Variants in TRIOBP observed in about 807,000 individuals in gnomAD.
The protein encoded by TRIOBP is TRIO and F-actin-binding protein.
Under a neutral mutation model 238.8 loss-of-function variants are expected in TRIOBP, and 169 were observed. That is an observed-to-expected ratio of 0.71 (90% CI 0.62 to 0.80). The LOEUF is 0.80. TRIOBP is among the 30% of genes least tolerant of loss of function. The pLI, the probability that TRIOBP is intolerant of heterozygous loss-of-function variation, is 0.00. For missense variants in TRIOBP, 2,838 were observed against 3,122.6 expected, an observed-to-expected ratio of 0.91 and a Z score of 2.17; for synonymous variants, 1,150 against 1,274.4, an observed-to-expected ratio of 0.90 and a Z score of 2.08.
chr22:37,702,454 T>TGTTGGGATTA, intron 3 of TRIOBP, among the ~76,000 whole-genome samples: 2 of 152,100 alleles, frequency 1.3e-5, no homozygotes, highest in Non-Finnish European at 2.9e-5. Flanking sequence ...TCCACCCGCC[T>TGTTGGGATTA]CAGCCTCCCA....
intron 11 of TRIOBP, chr22:37,746,177 G>A: frequency 2.0e-6 from 2 of 992,814 alleles, no homozygotes; most frequent in Non-Finnish European, 1.2e-6. Context: ...CGGCTTCCCC[G>A]CCACCCATTG....
In TRIOBP at chr22:37,725,392, A is replaced by C. The variant is rs1924083893; in HGVS notation, c.2836A>C (p.Arg946=). 1.2e-6 allele frequency: 2 copies of C among 1,611,412 alleles called. No individual in the cohort carries two copies. Among genetic ancestry groups the C allele is most frequent in the Admixed American group, 1.7e-5 (1 of 59,924 alleles). Residue 946 remains arginine, a synonymous_variant, in exon 7 of 24, where the codon AGG becomes CGG. Coordinates refer to ENST00000644935, the MANE Select transcript of TRIOBP (RefSeq NM_001039141.3). ...SIALRPTQGD[R]PQTSSPSRPA... ...CGCCCTCCGGCCAACCCAAGGTGAC[A>C]GGCCTCAGACATCCTCTCCCAGCAG... is the stretch of plus-strand genomic sequence containing the variant.
intron 21 of TRIOBP, 84 bp from the exon 22 acceptor site, chr22:37,771,566 A>G (rs1178931533): frequency 1.2e-5 from 15 of 1,246,812 alleles, no homozygotes; most frequent in Non-Finnish European, 1.8e-5. Flanking sequence ...GGCCTGAGGC[A>G]GAGAGAACCC....
chr22:37,698,439 C>T (rs1194484433), intron 2 of TRIOBP, among the ~76,000 whole-genome samples: 1 of 146,448 alleles, frequency 6.8e-6, no homozygotes, highest in Admixed American at 6.9e-5. Flanking sequence ...CTGCAACCTC[C>T]ACCTCCTGGG....
chr22:37,759,797 T>C, intron 17 of TRIOBP: 1 of 1,346,576 alleles, frequency 7.4e-7, no homozygotes, highest in Non-Finnish European at 9.6e-7. Flanking sequence ...GACATTTGGC[T>C]GTGTCTGGGA....
At chr22:37,697,786 CT>C (rs1273784857) in intron 2 of TRIOBP, 90 bp downstream of exon 2, 2 of 152,474 alleles carry the variant, frequency 1.3e-5, no homozygotes, top group East Asian at 3.8e-4. Context: ...CACCCTCCCC[CT>C]GGGGCTCTGT....
At chr22:37,769,434 G>T in intron 21 of TRIOBP, 59 bp downstream of exon 21, 2 of 1,476,216 alleles carry the variant, frequency 1.4e-6, no homozygotes, top group South Asian at 1.2e-5. Flanking sequence ...GGGCTATGGG[G>T]CACCCCCGCC....
At position 37,765,651 on chromosome 22, in the gene TRIOBP, C is replaced by A. The variant is rs1926450384; in HGVS notation, c.6325-19C>A. ...AGAGGAACGGGGCAGCCTGTGACAC[C>A]CTGGCGTCCGGCCCACAGGAGGCAT... On this transcript the variant is annotated intron_variant, in intron 17 of 23. Transcript: ENST00000644935. 2 of 1,548,994 alleles carry A rather than the reference C, an allele frequency of 1.3e-6. No homozygotes were observed. Among genetic ancestry groups the A allele is most frequent in the Non-Finnish European group, 1.7e-6 (2 of 1,146,822 alleles).
intron 20 of TRIOBP, 23 bp from the exon 21 acceptor site, chr22:37,769,239 C>G (rs1926648530): frequency 6.2e-7 from 1 of 1,606,172 alleles, no homozygotes; most frequent in Admixed American, 1.7e-5. Flanking sequence ...GCACCCCTCC[C>G]CTGACCACCG....
intron 2 of TRIOBP, among the ~76,000 whole-genome samples, chr22:37,698,089 A>G (rs182101779): frequency 2.4e-4 from 35 of 148,310 alleles, no homozygotes; most frequent in African/African-American, 8.4e-4. Flanking sequence ...AATCCCAGCT[A>G]TTTGGGAGGC....
chr22:37,705,771 T>C (rs1193526777), intron 3 of TRIOBP, among the ~76,000 whole-genome samples: 3 of 152,062 alleles, frequency 2.0e-5, no homozygotes, highest in Non-Finnish European at 4.4e-5. Context: ...AGATGGGGTT[T>C]CACCATGCCG....
chr22:37,726,575 G>T (rs991330481), intron 7 of TRIOBP, 72 bp downstream of exon 7: 1 of 1,373,642 alleles, frequency 7.3e-7, no homozygotes, highest in African/African-American at 1.5e-5. Context: ...GAAGGGTTAG[G>T]GTGCCAAAAG....
At position 37,726,044 on chromosome 22, in the gene TRIOBP, C is replaced by T. The variant is rs1000398077; in HGVS notation, c.3488C>T (p.Pro1163Leu). 6.2e-7 allele frequency: 1 copy of T among 1,611,834 alleles called. No individual in the cohort carries two copies. Among genetic ancestry groups the T allele is most frequent in the East Asian group, 2.2e-5 (1 of 44,564 alleles). Reference protein sequence around the residue: ...SLHECPHIPTPVCIGHRDAPS... With the variant: ...SLHECPHIPTLVCIGHRDAPS... ...CACGAGTGCCCCCACATCCCCACCC[C>T]TGTGTGCATTGGGCACCGGGATGCA... Residue 1163 changes from proline to leucine, a missense_variant, in exon 7 of 24, where the codon CCT becomes CTT. Pro to Leu is a moderately conservative substitution (Grantham distance 98). Around this residue, in one of 5 missense-constraint regions of TRIOBP, gnomAD observed 2,096 missense variants for 2,137.4 expected, o/e 0.98. Coordinates refer to ENST00000644935, the MANE Select transcript of TRIOBP (RefSeq NM_001039141.3).
At chr22:37,758,239 G>A (rs1926050611) in intron 16 of TRIOBP, 101 bp downstream of exon 16, 1 of 1,459,262 alleles carries the variant, frequency 6.9e-7, no homozygotes, top group Non-Finnish European at 9.4e-7. Context: ...TACAGTGATG[G>A]GGAGCTCACC....
Position 37,701,735 on chromosome 22 carries a change from T to G in TRIOBP, c.114+256T>G, listed in dbSNP as rs73409452. ...ATCTGTTACTTACTTTGTTATTCTT[T>G]AAATCAACATCTTTTTCCCCTTCTA... On this transcript the variant is annotated intron_variant, in intron 3 of 23. Transcript: ENST00000644935. 4.3e-3 allele frequency among the ~76,000 whole-genome samples: 650 copies of G among 152,342 alleles called. 3 individuals are homozygous for G. The highest frequency in any genetic ancestry group is 0.015 in the African/African-American group (612 of 41,576).
intron 11 of TRIOBP, among the ~76,000 whole-genome samples, chr22:37,743,809 G>A (rs563226872): frequency 9.8e-6 from 1 of 101,568 alleles, no homozygotes; most frequent in Non-Finnish European, 1.7e-5. Context: ...GAATGTGTGT[G>A]TGTGTGTGTG....
chr22:37,727,746 G>A (rs1047327272), intron 7 of TRIOBP, among the ~76,000 whole-genome samples: 1 of 152,176 alleles, frequency 6.6e-6, no homozygotes, highest in Non-Finnish European at 1.5e-5. Flanking sequence ...TGGATTTTTA[G>A]CAGTCAAACA....
At position 37,738,652 on chromosome 22, in the gene TRIOBP, A is replaced by G. The variant is rs727503522; in HGVS notation, c.5117A>G (p.Glu1706Gly). 1 of 1,613,932 alleles carries G rather than the reference A, an allele frequency of 6.2e-7. No individual in the cohort carries two copies. Among genetic ancestry groups the G allele is most frequent in the Non-Finnish European group, 8.5e-7 (1 of 1,179,950 alleles). ...PSLPELQFQP[E>G]EPEESEPSRG... ...TTTTTTAATCTCCAGTTCCAACCAG[A>G]GGAGCCTGAGGAGTCAGAACCAAGC... is the stretch of plus-strand genomic sequence containing the variant. The change falls in exon 10 of 24, where the codon GAG becomes GGG. Residue 1706 changes from glutamate (E) to glycine (G), a missense_variant. Glu to Gly is a moderately conservative substitution (Grantham distance 98). Around this residue, in one of 5 missense-constraint regions of TRIOBP, gnomAD observed 2,096 missense variants for 2,137.4 expected, o/e 0.98. Transcript: ENST00000644935.
rs779212974 is a variant in TRIOBP at position 37,775,115 on chromosome 22, C to T, written c.*1335C>T. 1 of 152,178 alleles carries T rather than the reference C, an allele frequency of 6.6e-6. No homozygotes were observed. The highest frequency in any genetic ancestry group is 1.5e-5 in the Non-Finnish European group (1 of 68,064). The allele number at this position is 152,178 out of a possible 1,614,324, so 9.4% of individuals were successfully genotyped here. A position where few individuals can be genotyped will look rare whatever the true frequency, so the allele number is the denominator to read the frequency against. On this transcript the variant is annotated 3_prime_UTR_variant, in exon 24 of 24. Transcript: ENST00000644935. ...ATGGGGCTGGGAAGAGGTCCCATTTCTGAGCCACAGAAACAGGCCACATCC... is the reference window on the plus strand; with the variant it reads ...ATGGGGCTGGGAAGAGGTCCCATTTTTGAGCCACAGAAACAGGCCACATCC...
Sources: gnomAD v4.1 joint callset for allele counts (sites outside exome capture counted in the v4.1 genomes callset) on GRCh38, gnomAD v4.1.1 for gene constraint, gnomAD v4.1.1 regional missense constraint, MANE v1.5 for transcripts, NCBI Gene and HGNC (gene_info 2026-07-23, HGNC 2026-07-21) for gene names.